The following PKHD1 variants were observed in gnomAD, a reference collection of about 807,000 sequenced individuals.
The protein encoded by PKHD1 is PKHD1 ciliary IPT domain containing fibrocystin/polyductin, also known as fibrocystin.
In PKHD1, 291 loss-of-function variants were observed where a neutral mutation model predicts 412.0. The ratio of observed to expected loss-of-function variants is 0.71; its 90% CI spans 0.64 to 0.78. PKHD1 has a LOEUF of 0.78. PKHD1 is among the 30% of genes least tolerant of loss of function. PKHD1 has a pLI of 0.00. For synonymous variants in PKHD1, 1,777 were observed against 1,821.5 expected, an observed-to-expected ratio of 0.98 and a Z score of 0.62; for missense variants, 4,825 against 4,950.7, an observed-to-expected ratio of 0.97 and a Z score of 0.76.
chr6:51,745,040 G>A (rs983522572), intron 59 of PKHD1, among the ~76,000 whole-genome samples: 2 of 152,054 alleles, frequency 1.3e-5, no homozygotes, highest in Non-Finnish European at 2.9e-5. Context: ...AGAATTTAGA[G>A]TCAAGTGGGC....
chr6:51,725,829 GC>G (rs1308793643), intron 60 of PKHD1, among the ~76,000 whole-genome samples: 1 of 152,164 alleles, frequency 6.6e-6, no homozygotes, highest in Non-Finnish European at 1.5e-5. Flanking sequence ...GTGCTAGGGG[GC>G]TAAACAATTA....
rs1766264562 is a variant in PKHD1 at position 51,618,801 on chromosome 6, A to G, written c.*280T>C. 2.2e-6 allele frequency: 1 copy of G among 463,760 alleles called. No individual in the cohort carries two copies. Among genetic ancestry groups the G allele is most frequent in the Non-Finnish European group, 4.0e-6 (1 of 252,632 alleles). 28.7% of individuals were successfully genotyped at this position (463,760 alleles called of 1,614,324 possible). A position where few individuals can be genotyped will look rare whatever the true frequency, so the allele number is the denominator to read the frequency against. On this transcript the variant is annotated 3_prime_UTR_variant, in exon 67 of 67. Coordinates refer to ENST00000371117, the MANE Select transcript of PKHD1 (RefSeq NM_138694.4). ...AGTATTACACCATTATCAAGTTGTT[A>G]AAATCAGGCTTAAGTTAAAAACTGG...
intron 60 of PKHD1, among the ~76,000 whole-genome samples, chr6:51,712,574 A>C (rs1382960429): frequency 1.3e-5 from 2 of 152,236 alleles, no homozygotes; most frequent in East Asian, 3.8e-4. Context: ...TACAAGGTTC[A>C]GATATACCAT....
chr6:51,638,821 A>AC, intron 64 of PKHD1, 28 bp downstream of exon 64: 1 of 1,287,654 alleles, frequency 7.8e-7, no homozygotes, highest in South Asian at 1.3e-5. Context: ...AAAAAAACAC[A>AC]GAATAAAAGC....
rs190572866 is a variant in PKHD1 at position 51,777,330 on chromosome 6, C to G, written c.8441-1409G>C. Among the ~76,000 whole-genome samples the G allele has an allele frequency of 6.6e-5, 10 of 152,202 alleles. No individual in the cohort carries two copies. In the East Asian group the frequency reaches 1.7e-3, roughly 26 times the overall value. On this transcript the variant is annotated intron_variant, in intron 53 of 66. Coordinates refer to ENST00000371117, the MANE Select transcript of PKHD1 (RefSeq NM_138694.4). ...TATTTTTATAGTTCAGCCTTCACAG[C>G]CATTACTCTAGTACTCTGCTGAAAG...
chr6:51,770,108 T>C (rs541243151), intron 55 of PKHD1, among the ~76,000 whole-genome samples: 203 of 151,914 alleles, frequency 1.3e-3, no homozygotes, highest in Admixed American at 2.0e-3. Context: ...ATGTTCTTCT[T>C]GTTTTCTTTA....
In PKHD1 at chr6:51,836,664, T is replaced by C. The variant is rs12525775; in HGVS notation, c.8108-195A>G. ...TTTTGATTGCTTTCATTTGATTAAA[T>C]GTAATTGCAATGAGGTCTCCAGGAG... On this transcript the variant is annotated intron_variant, in intron 50 of 66. Transcript: ENST00000371117. 0.054 allele frequency among the ~76,000 whole-genome samples: 8,210 copies of C among 152,274 alleles called. 230 individuals carry two copies. Among genetic ancestry groups the C allele is most frequent in the South Asian group, 0.074 (359 of 4,820 alleles).
intron 52 of PKHD1, among the ~76,000 whole-genome samples, chr6:51,814,760 T>C (rs1027468221): frequency 6.6e-6 from 1 of 152,124 alleles, no homozygotes; most frequent in African/African-American, 2.4e-5. Flanking sequence ...GGAGCTTGAA[T>C]GAAAGGCCAC....
rs528907395 is a variant in PKHD1 at position 51,619,151 on chromosome 6, G to A, written c.12155C>T (p.Ala4052Val). ...GSLGLSQEKK[A>V]SCGATEAFCL... ...GAATGCCTCAGTGGCCCCGCAGGAG[G>A]CTTTCTTCTCTTGGGAAAGCCCCAA... Residue 4052 changes from alanine (A) to valine (V), a missense_variant, in exon 67 of 67, where the codon GCC (alanine) becomes GTC (valine). Transcript: ENST00000371117. The A allele has an allele frequency of 3.5e-5, 57 of 1,614,246 alleles. No individual in the cohort carries two copies. Among genetic ancestry groups the A allele is most frequent in the Admixed American group, 6.7e-5 (4 of 60,034 alleles).
rs1465214648 is a variant in PKHD1 at position 52,043,694 on chromosome 6, G to A, written c.2752C>T (p.Pro918Ser). The A allele has an allele frequency of 6.2e-7, 1 of 1,613,520 alleles. No individual in the cohort carries two copies. Among genetic ancestry groups the A allele is most frequent in the South Asian group, 1.1e-5 (1 of 91,062 alleles). Residue 918 changes from proline (P) to serine (S), a missense_variant, in exon 26 of 67, where the codon CCA becomes TCA. Pro to Ser is a moderately conservative substitution (Grantham distance 74, BLOSUM62 -1). Transcript: ENST00000371117. ...AGGTACTGGAAAGAGCAGGAACCTG[G>A]GCAATGAGCTGGTACATCATTCACT... ...VRVNDVPAHC[P>S]GSCSFQYLQG...
intron 35 of PKHD1, among the ~76,000 whole-genome samples, chr6:51,993,096 A>G (rs953026417): frequency 2.6e-5 from 4 of 152,212 alleles, no homozygotes; most frequent in South Asian, 2.1e-4. Flanking sequence ...CTTAATAAAC[A>G]TGGTATCTTC....
intron 50 of PKHD1, among the ~76,000 whole-genome samples, chr6:51,846,525 C>T (rs1200050639): frequency 6.6e-6 from 1 of 152,030 alleles, no homozygotes; most frequent in African/African-American, 2.4e-5. Context: ...CAGTGAGCTG[C>T]GATTGGAACA....
At chr6:52,063,138 C>G (rs949135939) in intron 13 of PKHD1, among the ~76,000 whole-genome samples, 1 of 152,148 alleles carries the variant, frequency 6.6e-6, no homozygotes, top group Non-Finnish European at 1.5e-5. Flanking sequence ...GTCATGGCCT[C>G]AATTTGTGGA....
rs1785243850 is a variant in PKHD1 at position 51,746,787 on chromosome 6, G to C, written c.9932C>G (p.Ala3311Gly). The C allele has an allele frequency of 1.2e-6, 2 of 1,611,028 alleles. No homozygotes were observed. The highest frequency in any genetic ancestry group is 1.7e-6 in the Non-Finnish European group (2 of 1,177,440). Reference sequence around the variant, plus strand: ...TATCTTTAGCATCCTGGTCCTCTCTGCTGTTATTGGGTGCATAATTCCACT... The same window carrying C: ...TATCTTTAGCATCCTGGTCCTCTCTCCTGTTATTGGGTGCATAATTCCACT... The part of the protein sequence containing the change: ...ENSGIMHPIT[A>G]ERTRMLKIKD... The change falls in exon 59 of 67, where the codon GCA becomes GGA. Residue 3311 changes from alanine to glycine, a missense_variant. By Grantham distance (60) the Ala-to-Gly change is moderately conservative. Transcript: ENST00000371117.
At chr6:52,033,918 C>T (rs1372055916) in intron 28 of PKHD1, among the ~76,000 whole-genome samples, 2 of 151,866 alleles carry the variant, frequency 1.3e-5, no homozygotes, top group African/African-American at 4.8e-5. Context: ...CACCTGAGAT[C>T]AGGAATTTGA....
chr6:51,962,107 T>A (rs1792130290), intron 35 of PKHD1, among the ~76,000 whole-genome samples: 1 of 151,900 alleles, frequency 6.6e-6, no homozygotes, highest in African/African-American at 2.4e-5. Context: ...AAGCTTAGGG[T>A]CTTTGGCCAG....
chr6:51,905,082 T>A (rs1781876012), intron 41 of PKHD1, among the ~76,000 whole-genome samples: 1 of 152,238 alleles, frequency 6.6e-6, no homozygotes, highest in Non-Finnish European at 1.5e-5. Context: ...ATAGCTTTTA[T>A]CTCAACAGAT....
intron 66 of PKHD1, among the ~76,000 whole-genome samples, chr6:51,624,905 A>G (rs1767051706): frequency 6.6e-6 from 1 of 152,074 alleles, no homozygotes; most frequent in Non-Finnish European, 1.5e-5. Flanking sequence ...TAACTGTCAC[A>G]CTCTCCTGAT....
In PKHD1 at chr6:52,058,439, C is replaced by T. The variant is rs1410954062; in HGVS notation, c.1396G>A (p.Gly466Arg). Residue 466 changes from glycine (G) to arginine (R), a missense_variant, in exon 16 of 67, where the codon GGG becomes AGG. Coordinates refer to ENST00000371117, the MANE Select transcript of PKHD1 (RefSeq NM_138694.4). ...TGAATCTGGACACCAATCCTCATCCCCCTGCTTGGGGCTATCCCATGATGC... is the reference window on the plus strand; with the variant it reads ...TGAATCTGGACACCAATCCTCATCCTCCTGCTTGGGGCTATCCCATGATGC... ...AEHHGIAPSR[G>R]MRIGVQIHNT... 2.5e-6 allele frequency: 4 copies of T among 1,614,024 alleles called. No individual in the cohort carries two copies. The highest frequency in any genetic ancestry group is 4.5e-5 in the East Asian group (2 of 44,886).
Sources: allele counts gnomAD v4.1 joint callset (sites outside exome capture counted in the v4.1 genomes callset), GRCh38; gene constraint gnomAD v4.1.1; transcripts MANE v1.5; gene names NCBI Gene and HGNC (gene_info 2026-07-23, HGNC 2026-07-21).